The following ZNF469 variants were observed in gnomAD, a reference collection of about 807,000 sequenced individuals.
ZNF469 encodes zinc finger protein 469.
In ZNF469, 1 loss-of-function variant was observed where a neutral mutation model predicts 1.0. That is an observed-to-expected ratio of 1.00 (90% CI 0.35 to 4.73). ZNF469 has a LOEUF of 4.73. ZNF469 is among the 30% of genes most tolerant of loss of function. The pLI is 0.16. For missense variants in ZNF469, 6,100 were observed against 5,356.3 expected, an observed-to-expected ratio of 1.14 and a Z score of -4.33; for synonymous variants, 2,703 against 2,363.4, an observed-to-expected ratio of 1.14 and a Z score of -4.17.
chr16:88,387,276 C>G lies in ZNF469; in HGVS notation c.-192+4022C>G, dbSNP rs532311304. ...GGCCTTGGCCCTCCTCAGGTGCTAT[C>G]GGCCGTCCAGCCCCCTCATTCCTGT... On this transcript the variant is annotated intron_variant, in intron 1 of 2. Coordinates refer to ENST00000565624, the MANE Select transcript of ZNF469 (RefSeq NM_001367624.2). Among the ~76,000 whole-genome samples the G allele has an allele frequency of 2.6e-5, 4 of 152,318 alleles. No homozygotes were observed. In the South Asian group the frequency reaches 8.3e-4, roughly 32 times the overall value.
chr16:88,133,454 C>T, the ZNF469 span, among the ~76,000 whole-genome samples: 2 of 152,310 alleles, frequency 1.3e-5, no homozygotes, highest in South Asian at 2.1e-4. Flanking sequence ...GAATGGCAGA[C>T]GCCGCCTGGG....
At chr16:88,420,343 CAAG>C (rs1905421191) in intron 1 of ZNF469, among the ~76,000 whole-genome samples, 1 of 152,198 alleles carries the variant, frequency 6.6e-6, no homozygotes, top group Admixed American at 6.5e-5. Context: ...GGACCGTTCA[CAAG>C]GAGGAGGAGC....
intron 1 of ZNF469, among the ~76,000 whole-genome samples, chr16:88,390,569 C>G (rs930417537): frequency 5.3e-5 from 8 of 152,214 alleles, no homozygotes; most frequent in African/African-American, 1.7e-4. Context: ...GGCAAGCTGA[C>G]TTTTCCTGCA....
chr16:88,374,217 C>T, the ZNF469 span, among the ~76,000 whole-genome samples: 1,357 of 152,144 alleles, frequency 8.9e-3, 32 homozygotes, highest in East Asian at 0.068. Context: ...CAGTGCACAG[C>T]GAGACACAGG....
the ZNF469 span, among the ~76,000 whole-genome samples, chr16:88,135,791 C>T: frequency 5.3e-4 from 66 of 123,872 alleles, no homozygotes; most frequent in East Asian, 2.1e-3. Flanking sequence ...GATGGAGTCT[C>T]GCTCTGTCGC....
chr16:88,325,970 A>C, the ZNF469 span, among the ~76,000 whole-genome samples: 1 of 152,378 alleles, frequency 6.6e-6, no homozygotes, highest in African/African-American at 2.4e-5. Context: ...CCTGTCAGTC[A>C]GTCCAGGGGT....
chr16:88,203,303 G>A, the ZNF469 span, among the ~76,000 whole-genome samples: 34 of 152,156 alleles, frequency 2.2e-4, no homozygotes, highest in African/African-American at 8.2e-4. Flanking sequence ...CAGAGCTCAG[G>A]TGGGTTACTC....
At chr16:88,201,135 C>T in the ZNF469 span, among the ~76,000 whole-genome samples, 4 of 152,262 alleles carry the variant, frequency 2.6e-5, no homozygotes, top group Admixed American at 6.5e-5. The surrounding 1 kb of genome is among the most constrained non-coding windows in gnomAD (Gnocchi z 5.0). Context: ...CTCCCCACCC[C>T]GTGCTTCAGT....
rs1906205276 is a variant in ZNF469 at position 88,431,811 on chromosome 16, A to AGGCAGGGCTGCATCG, written c.4341_4342insGGCAGGGCTGCATCG (p.Pro1447_Pro1448insGlyArgAlaAlaSer). 1 of 1,549,724 alleles carries AGGCAGGGCTGCATCG rather than the reference A, an allele frequency of 6.5e-7. No individual in the cohort carries two copies. The highest frequency in any genetic ancestry group is 8.7e-7 in the Non-Finnish European group (1 of 1,146,928). ...CGGAGCCAGGCAGGGCTGCATCGCC[A>AGGCAGGGCTGCATCG]CCGACCTTGGAGTCCTCATCCCTCT... On this transcript the variant is annotated inframe_insertion, in exon 3 of 3. Coordinates refer to ENST00000565624, the MANE Select transcript of ZNF469 (RefSeq NM_001367624.2).
chr16:88,355,609 G>C, the ZNF469 span, among the ~76,000 whole-genome samples: 1 of 152,218 alleles, frequency 6.6e-6, no homozygotes, highest in African/African-American at 2.4e-5. Context: ...GCCTGGCTGT[G>C]AGTCCACAGG....
chr16:88,160,884 T>C, the ZNF469 span, among the ~76,000 whole-genome samples: 1 of 152,236 alleles, frequency 6.6e-6, no homozygotes, highest in East Asian at 1.9e-4. Flanking sequence ...GGCTCACACC[T>C]GTAATCCCAG....
At chr16:88,138,966 G>A in the ZNF469 span, among the ~76,000 whole-genome samples, 11 of 152,246 alleles carry the variant, frequency 7.2e-5, no homozygotes, top group Non-Finnish European at 1.0e-4. Context: ...CTGGTGAAAC[G>A]CTAGGCTGTG....
chr16:88,294,012 G>A, the ZNF469 span, among the ~76,000 whole-genome samples: 8 of 152,316 alleles, frequency 5.3e-5, no homozygotes, highest in East Asian at 9.6e-4. Context: ...GCCCAGCTCC[G>A]AGTGCCAGGA....
chr16:88,162,166 A>G, the ZNF469 span, among the ~76,000 whole-genome samples: 2 of 152,196 alleles, frequency 1.3e-5, no homozygotes, highest in African/African-American at 2.4e-5. Context: ...AAAATCCTCC[A>G]TTTAGCCAAC....
At chr16:88,102,921 T>G in the ZNF469 span, among the ~76,000 whole-genome samples, 2 of 152,384 alleles carry the variant, frequency 1.3e-5, no homozygotes, top group African/African-American at 2.4e-5. Context: ...TTGGTTCCTC[T>G]GGAAAGGGTG....
chr16:88,347,689 C>T, the ZNF469 span, among the ~76,000 whole-genome samples: 1 of 152,252 alleles, frequency 6.6e-6, no homozygotes, highest in African/African-American at 2.4e-5. Context: ...CTCCTCCAAT[C>T]ACAGTGAAGA....
At chr16:88,372,077 C>CCAT in the ZNF469 span, among the ~76,000 whole-genome samples, 1 of 70,194 alleles carries the variant, frequency 1.4e-5, no homozygotes, top group African/African-American at 5.8e-5. Flanking sequence ...ATCACCATCA[C>CCAT]CACCATCATC....
the ZNF469 span, among the ~76,000 whole-genome samples, chr16:88,203,499 G>T: frequency 5.3e-5 from 8 of 152,176 alleles, no homozygotes; most frequent in Non-Finnish European, 1.0e-4. Flanking sequence ...CGGTGGGGGC[G>T]GGGACGGGGC....
Position 88,431,053 on chromosome 16 carries a change from C to T in ZNF469, c.3583C>T (p.Pro1195Ser), listed in dbSNP as rs1446601070. The T allele has an allele frequency of 6.5e-7, 1 of 1,548,784 alleles. No individual in the cohort carries two copies. Among genetic ancestry groups the T allele is most frequent in the South Asian group, 1.2e-5 (1 of 84,038 alleles). Residue 1195 changes from proline to serine, a missense_variant, in exon 3 of 3, where the codon CCC (proline) becomes TCC (serine). Coordinates refer to ENST00000565624, the MANE Select transcript of ZNF469 (RefSeq NM_001367624.2). ...GGGAGGCCCCAAGTGTGCTGATCGC[C>T]CCTCAGTGGCCCCCAAGGATCCCCT... ...REGGPKCADR[P>S]SVAPKDPLQV...
Sources: allele counts gnomAD v4.1 joint callset (sites outside exome capture counted in the v4.1 genomes callset), GRCh38; gene constraint gnomAD v4.1.1; non-coding constraint Gnocchi (gnomAD v3.1); transcripts MANE v1.5; gene names NCBI Gene and HGNC (gene_info 2026-07-23, HGNC 2026-07-21).